The following OSBP2 variants were observed in gnomAD, a reference collection of about 807,000 sequenced individuals.
OSBP2 encodes the protein oxysterol binding protein 2.
In OSBP2, 66 loss-of-function variants were observed where a neutral mutation model predicts 96.0. The observed-to-expected ratio is 0.69, with a 90% CI of 0.56 to 0.84. The LOEUF (loss-of-function observed/expected upper bound fraction) is 0.84. Ranked by LOEUF, OSBP2 falls within the 40% of genes least tolerant of loss-of-function variation. The probability of loss-of-function intolerance (pLI) is 0.00; values close to 1 mark genes in which losing one functional copy is unlikely to be tolerated. For synonymous variants in OSBP2, 525 were observed against 520.9 expected, an observed-to-expected ratio of 1.01 and a Z score of -0.11; for missense variants, 1,038 against 1,222.7, an observed-to-expected ratio of 0.85 and a Z score of 2.25.
intron 8 of OSBP2, among the ~76,000 whole-genome samples, chr22:30,892,384 A>G (rs1183790989): frequency 6.6e-6 from 1 of 151,950 alleles, no homozygotes; most frequent in Non-Finnish European, 1.5e-5. Flanking sequence ...AGAGACAGGA[A>G]GTGAGGCGAG....
chr22:30,791,612 C>T (rs950628099), intron 2 of OSBP2, among the ~76,000 whole-genome samples: 2 of 152,136 alleles, frequency 1.3e-5, no homozygotes, highest in African/African-American at 4.8e-5. Context: ...CAGGCGAGAG[C>T]CACCGTGCCC....
At chr22:30,816,712 G>T (rs2091088232) in intron 2 of OSBP2, among the ~76,000 whole-genome samples, 1 of 152,098 alleles carries the variant, frequency 6.6e-6, no homozygotes, top group African/African-American at 2.4e-5. Flanking sequence ...CAAACTGAAT[G>T]GTGCCCTTGG....
chr22:30,816,876 C>T (rs955307324), intron 2 of OSBP2, among the ~76,000 whole-genome samples: 2 of 152,056 alleles, frequency 1.3e-5, no homozygotes, highest in African/African-American at 4.8e-5. Flanking sequence ...CCTGGGATTA[C>T]AGGTGTACGC....
At chr22:30,822,937 G>T (rs2038314288) in intron 2 of OSBP2, among the ~76,000 whole-genome samples, 1 of 152,250 alleles carries the variant, frequency 6.6e-6, no homozygotes, top group South Asian at 2.1e-4. Flanking sequence ...TGCGGCTAGA[G>T]ACTTGTCCGT....
At chr22:30,757,423 T>C (rs376112907) in intron 2 of OSBP2, among the ~76,000 whole-genome samples, 29 of 151,866 alleles carry the variant, frequency 1.9e-4, no homozygotes, top group Admixed American at 7.2e-4. Context: ...TTTTTCCTTT[T>C]CTTTTCTTTT....
chr22:30,796,314 T>A (rs1175634662), intron 2 of OSBP2, among the ~76,000 whole-genome samples: 2 of 152,020 alleles, frequency 1.3e-5, no homozygotes, highest in East Asian at 3.9e-4. Context: ...ATGCTCAGGG[T>A]TGAATTTGTT....
intron 1 of OSBP2, among the ~76,000 whole-genome samples, chr22:30,726,406 C>A (rs1347001514): frequency 6.6e-6 from 1 of 152,112 alleles, no homozygotes; most frequent in African/African-American, 2.4e-5. Context: ...CACATATTCT[C>A]ACTCATAAGT....
At chr22:30,744,846 T>C (rs1020420067) in intron 2 of OSBP2, among the ~76,000 whole-genome samples, 1 of 152,070 alleles carries the variant, frequency 6.6e-6, no homozygotes, top group Non-Finnish European at 1.5e-5. Context: ...TACAAAACAC[T>C]CCACTCAACA....
intron 2 of OSBP2, among the ~76,000 whole-genome samples, chr22:30,865,631 CAA>C (rs398040482): frequency 9.2e-4 from 55 of 59,882 alleles, no homozygotes; most frequent in Middle Eastern, 0.01. Context: ...GACTCCATCT[CAA>C]AAAAAAAAAA....
chr22:30,815,015 C>T (rs765131643), intron 2 of OSBP2, among the ~76,000 whole-genome samples: 30 of 152,176 alleles, frequency 2.0e-4, no homozygotes, highest in Admixed American at 1.2e-3. Context: ...GGCACGGTGG[C>T]TCACACCTGT....
chr22:30,883,596 G>A (rs2039745611), intron 3 of OSBP2, among the ~76,000 whole-genome samples: 1 of 152,238 alleles, frequency 6.6e-6, no homozygotes, highest in African/African-American at 2.4e-5. Context: ...GCTGCAGCCA[G>A]GTAGGATGTT....
chr22:30,838,359 G>A (rs1172708503), intron 2 of OSBP2, among the ~76,000 whole-genome samples: 1 of 152,196 alleles, frequency 6.6e-6, no homozygotes, highest in Non-Finnish European at 1.5e-5. Context: ...AACCAGGTCT[G>A]ATTCATATCT....
At chr22:30,735,965 G>T (rs1444010431) in intron 1 of OSBP2, among the ~76,000 whole-genome samples, 2 of 151,920 alleles carry the variant, frequency 1.3e-5, no homozygotes, top group Non-Finnish European at 2.9e-5. Flanking sequence ...CCAGACTGGA[G>T]TGTGGTGGCA....
chr22:30,800,549 C>G (rs1353078092), intron 2 of OSBP2, among the ~76,000 whole-genome samples: 1 of 152,126 alleles, frequency 6.6e-6, no homozygotes. Context: ...AGGTGGCATT[C>G]CAGGCAGGTT....
chr22:30,845,189 G>A (rs1232789140), intron 2 of OSBP2, among the ~76,000 whole-genome samples: 2 of 152,234 alleles, frequency 1.3e-5, no homozygotes, highest in Non-Finnish European at 2.9e-5. Flanking sequence ...CCAGTACTCT[G>A]GGAGGCCAAG....
intron 12 of OSBP2, 127 bp from the exon 13 acceptor site, chr22:30,905,710 C>T: frequency 7.1e-7 from 1 of 1,402,752 alleles, no homozygotes; most frequent in Admixed American, 2.2e-5. Context: ...CAGAGGGAGT[C>T]CTGGACGCGG....
chr22:30,890,359 C>T lies in OSBP2; in HGVS notation c.1624-369C>T, dbSNP rs1447276011. On this transcript the variant is annotated intron_variant, in intron 7 of 13. Transcript: ENST00000332585. This position sits in a 1 kb window ranked among gnomAD's most constrained non-coding sequence, Gnocchi z 4.4. ...GCAACATGGGGAAGACCCACTTCCT[C>T]CACCCACAGACTCATGTGCCCATTC... Among the ~76,000 whole-genome samples, 3 of 152,126 alleles carry T rather than the reference C, an allele frequency of 2.0e-5. No homozygotes were observed. The highest frequency in any genetic ancestry group is 7.2e-5 in the African/African-American group (3 of 41,426).
At chr22:30,758,422 G>T (rs1448198719) in intron 2 of OSBP2, among the ~76,000 whole-genome samples, 1 of 152,034 alleles carries the variant, frequency 6.6e-6, no homozygotes, top group Non-Finnish European at 1.5e-5. Flanking sequence ...AAAATAAAAT[G>T]TGGACAGAAT....
intron 2 of OSBP2, among the ~76,000 whole-genome samples, chr22:30,831,766 T>C (rs11089478): frequency 0.24 from 36,885 of 151,892 alleles, 4,935 homozygotes; most frequent in African/African-American, 0.36. Flanking sequence ...CCAAGGGACA[T>C]TCCAGATGCA....
Sources: allele counts gnomAD v4.1 joint callset (sites outside exome capture counted in the v4.1 genomes callset), GRCh38; gene constraint gnomAD v4.1.1; non-coding constraint Gnocchi (gnomAD v3.1); transcripts MANE v1.5; gene names NCBI Gene and HGNC (gene_info 2026-07-23, HGNC 2026-07-21).